TSGA10: variants seen among roughly 807,000 people sequenced by gnomAD.
TSGA10 encodes the protein testis specific 10, also known as testis-specific gene 10 protein.
Under a neutral mutation model 96.6 loss-of-function variants are expected in TSGA10, and 43 were observed. The ratio of observed to expected loss-of-function variants is 0.44; its 90% CI spans 0.35 to 0.57. The LOEUF is 0.57. Ranked by LOEUF, TSGA10 falls within the 20% of genes least tolerant of loss-of-function variation. TSGA10 has a pLI of 0.01. For missense variants in TSGA10, 703 were observed against 834.4 expected (o/e 0.84, Z 1.94); for synonymous variants, 229 against 269.9 (o/e 0.85, Z 1.48).
chr2:99,000,792 G>C (rs761467222), intron 20 of TSGA10, among the ~76,000 whole-genome samples: 24 of 152,114 alleles, frequency 1.6e-4, no homozygotes, highest in Admixed American at 7.2e-4. Flanking sequence ...TTTTCCAGTG[G>C]TCTTTGCAAA....
intron 20 of TSGA10, among the ~76,000 whole-genome samples, chr2:99,000,721 C>T (rs572852709): frequency 1.3e-5 from 2 of 152,236 alleles, no homozygotes; most frequent in East Asian, 1.9e-4. Context: ...ACCTGGGAAG[C>T]GCAAGGGGTC....
chr2:99,096,541 C>G (rs1426177508), intron 10 of TSGA10, among the ~76,000 whole-genome samples: 1 of 152,228 alleles, frequency 6.6e-6, no homozygotes, highest in Non-Finnish European at 1.5e-5. Context: ...GCAGTGTCAA[C>G]ATTTCCATGA....
chr2:99,073,477 A>G (rs2086223021), intron 12 of TSGA10, among the ~76,000 whole-genome samples: 1 of 152,180 alleles, frequency 6.6e-6, no homozygotes, highest in African/African-American at 2.4e-5. Flanking sequence ...TTTATGTTAT[A>G]AAACCCAGAG....
At chr2:99,015,575 C>T (rs183561994) in intron 20 of TSGA10, among the ~76,000 whole-genome samples, 2 of 152,240 alleles carry the variant, frequency 1.3e-5, no homozygotes, top group South Asian at 2.1e-4. Flanking sequence ...AGCATTCCCC[C>T]TGAGAACTGG....
At chr2:99,068,575 G>A (rs2085540362) in intron 15 of TSGA10, among the ~76,000 whole-genome samples, 1 of 152,066 alleles carries the variant, frequency 6.6e-6, no homozygotes, top group South Asian at 2.1e-4. Context: ...TTTTGTCAGA[G>A]GTTTATAACT....
chr2:99,125,922 A>C (rs911591677), intron 2 of TSGA10: 1 of 152,230 alleles, frequency 6.6e-6, no homozygotes, highest in African/African-American at 2.4e-5. Context: ...TAGGTGGTAG[A>C]AGTTCAGGTC....
chr2:99,099,308 G>A (rs149508047), intron 10 of TSGA10, among the ~76,000 whole-genome samples: 9,106 of 152,050 alleles, frequency 0.06, 528 homozygotes, highest in East Asian at 0.21. Context: ...GTGAAACTCC[G>A]TCTCAAAAAT....
At chr2:99,031,456 G>A (rs1386492541) in intron 17 of TSGA10, among the ~76,000 whole-genome samples, 1 of 151,944 alleles carries the variant, frequency 6.6e-6, no homozygotes, top group Non-Finnish European at 1.5e-5. Context: ...ATAATTTTTA[G>A]ACTTAAAGCC....
intron 10 of TSGA10, chr2:99,102,324 G>A (rs2090866994): frequency 2.5e-6 from 4 of 1,612,164 alleles, no homozygotes; most frequent in East Asian, 2.2e-5. Context: ...AGGGAGTGGT[G>A]AGAGTGAGAG....
At chr2:99,048,820 C>T (rs1302194877) in intron 16 of TSGA10, among the ~76,000 whole-genome samples, 1 of 151,798 alleles carries the variant, frequency 6.6e-6, no homozygotes, top group African/African-American at 2.4e-5. Flanking sequence ...AAAATTTTTG[C>T]AATCTATTCA....
chr2:99,099,356 A>G (rs1032661286), intron 10 of TSGA10, among the ~76,000 whole-genome samples: 1 of 152,188 alleles, frequency 6.6e-6, no homozygotes, highest in African/African-American at 2.4e-5. Context: ...AAGGTAAATT[A>G]TCAGCCAATC....
intron 16 of TSGA10, among the ~76,000 whole-genome samples, chr2:99,043,561 C>G (rs914358697): frequency 2.0e-5 from 3 of 151,984 alleles, no homozygotes; most frequent in Non-Finnish European, 2.9e-5. Context: ...AGGATAAAAG[C>G]TAAGAGATCT....
intron 10 of TSGA10, 53 bp from the exon 11 acceptor site, chr2:99,081,450 TGTA>T (rs1325426030): frequency 8.1e-6 from 8 of 987,162 alleles, no homozygotes; most frequent in Admixed American, 2.6e-5. Flanking sequence ...TTTGTCATCT[TGTA>T]GTGTGTTTAA....
intron 11 of TSGA10, 29 bp downstream of exon 11, chr2:99,081,252 TA>T: frequency 7.8e-7 from 1 of 1,280,564 alleles, no homozygotes. Flanking sequence ...TAAGAAAAAC[TA>T]AAAGTAATAT....
At chr2:99,142,818 G>A (rs2093584539) in intron 1 of TSGA10, among the ~76,000 whole-genome samples, 1 of 152,130 alleles carries the variant, frequency 6.6e-6, no homozygotes, top group Non-Finnish European at 1.5e-5. Flanking sequence ...AATGTTCTAA[G>A]TTTAAAACTA....
In TSGA10 at chr2:99,127,088, A is replaced by G. The variant is rs1456518285; in HGVS notation, c.-532T>C. 6.2e-6 allele frequency: 8 copies of G among 1,289,518 alleles called. No individual in the cohort carries two copies. Among genetic ancestry groups the G allele is most frequent in the Non-Finnish European group, 8.1e-6 (8 of 988,796 alleles). 79.9% of individuals were successfully genotyped at this position (1,289,518 alleles called of 1,614,324 possible). A position where few individuals can be genotyped will look rare whatever the true frequency, so the allele number is the denominator to read the frequency against. ...CGAGATGAATCTATCTTGGTTTCTCACTTCTTGTTCTAGCTGGAGAGTATT... is the reference window on the plus strand; with the variant it reads ...CGAGATGAATCTATCTTGGTTTCTCGCTTCTTGTTCTAGCTGGAGAGTATT... On this transcript the variant is annotated 5_prime_UTR_variant, in exon 2 of 21. Coordinates refer to ENST00000393483, the MANE Select transcript of TSGA10 (RefSeq NM_025244.4).
chr2:99,144,018 CTTTT>C lies in TSGA10; in HGVS notation c.-621+10671_-621+10674del, dbSNP rs36036293. 2.1e-3 allele frequency among the ~76,000 whole-genome samples: 311 copies of C among 151,448 alleles called. 3 individuals are homozygous for C. Among genetic ancestry groups the C allele is most frequent in the African/African-American group, 7.3e-3 (300 of 41,296 alleles). The stretch of plus-strand genomic sequence containing the variant: ...TCCACAGCTCACTGATGCTGTGTTC[CTTTT>C]TTTTGTTTGTTTTTTTGAGATGGAG... On this transcript the variant is annotated intron_variant, in intron 1 of 20. Coordinates refer to ENST00000393483, the MANE Select transcript of TSGA10 (RefSeq NM_025244.4).
intron 16 of TSGA10, among the ~76,000 whole-genome samples, chr2:99,053,383 T>C (rs769481244): frequency 8.6e-5 from 13 of 150,962 alleles, no homozygotes; most frequent in Admixed American, 3.3e-4. Flanking sequence ...GCAAACAAAA[T>C]TGGATAACAT....
chr2:99,124,394 A>G (rs559030968), intron 2 of TSGA10, among the ~76,000 whole-genome samples: 21 of 152,250 alleles, frequency 1.4e-4, no homozygotes, highest in Non-Finnish European at 2.5e-4. Context: ...TGTAATTTGG[A>G]AATATTTTCT....
Sources: gnomAD v4.1 joint callset for allele counts (sites outside exome capture counted in the v4.1 genomes callset) on GRCh38, gnomAD v4.1.1 for gene constraint, MANE v1.5 for transcripts, NCBI Gene and HGNC (gene_info 2026-07-23, HGNC 2026-07-21) for gene names.